The following UBXN11 variants were observed in gnomAD, a reference collection of about 807,000 sequenced individuals.
The protein encoded by UBXN11 is UBX domain protein 11.
UBXN11 carries 47 observed loss-of-function variants against 62.8 expected under a neutral mutation model. The observed-to-expected ratio is 0.75, with a 90% CI of 0.59 to 0.95. The LOEUF is 0.95. UBXN11 is among the 40% of genes least tolerant of loss of function. UBXN11 has a pLI of 0.00. For missense variants in UBXN11, 638 were observed against 661.7 expected (o/e 0.96, Z 0.39); for synonymous variants, 294 against 267.0 (o/e 1.10, Z -0.99).
At chr1:26,292,643 T>C (rs1197720711) in intron 8 of UBXN11, among the ~76,000 whole-genome samples, 9 of 151,792 alleles carry the variant, frequency 5.9e-5, no homozygotes, top group African/African-American at 1.9e-4. Context: ...ATCACGAGGT[T>C]AGGAGTTTGA....
intron 6 of UBXN11, 100 bp downstream of exon 6, chr1:26,297,327 T>A (rs1280911717): frequency 3.0e-6 from 4 of 1,355,108 alleles, no homozygotes; most frequent in Non-Finnish European, 3.9e-6. Context: ...GTCAGCTTGA[T>A]GCTCTTGATG....
intron 13 of UBXN11, 23 bp downstream of exon 13, chr1:26,282,841 T>A (rs2073032874): frequency 6.2e-7 from 1 of 1,613,410 alleles, no homozygotes; most frequent in African/African-American, 1.3e-5. Context: ...CCCCAGGCCC[T>A]CACCTCCTCA....
At chr1:26,300,026 C>T (rs1276920610) in intron 4 of UBXN11, among the ~76,000 whole-genome samples, 1 of 152,128 alleles carries the variant, frequency 6.6e-6, no homozygotes, top group Non-Finnish European at 1.5e-5. Flanking sequence ...AAAGTTGACC[C>T]CAGCCAGGGT....
At chr1:26,284,090 G>T in intron 12 of UBXN11, 52 bp downstream of exon 12, 1 of 1,523,380 alleles carries the variant, frequency 6.6e-7, no homozygotes, top group South Asian at 1.3e-5. Context: ...CTGGACCAGG[G>T]CTGGTGCTAA....
upstream of UBXN11, among the ~76,000 whole-genome samples, chr1:26,311,178 T>A (rs1318011873): frequency 6.6e-6 from 1 of 151,634 alleles, no homozygotes; most frequent in Non-Finnish European, 1.5e-5. Flanking sequence ...CTCACTCTGT[T>A]TTCCAGGCTG....
At chr1:26,309,325 C>G (rs2073716350), upstream of UBXN11, among the ~76,000 whole-genome samples, 1 of 149,152 alleles carries the variant, frequency 6.7e-6, no homozygotes, top group African/African-American at 2.5e-5. Flanking sequence ...ACTGCAATCT[C>G]CAACTCTCTG....
chr1:26,314,272 C>T (rs990518124), intron 1 of UBXN11, among the ~76,000 whole-genome samples: 2 of 152,092 alleles, frequency 1.3e-5, no homozygotes, highest in Admixed American at 1.3e-4. Flanking sequence ...GAGGGTTGGG[C>T]TGTTGTTTCC....
intron 4 of UBXN11, among the ~76,000 whole-genome samples, chr1:26,298,463 CCAGA>C (rs778924804): frequency 1.8e-4 from 27 of 152,252 alleles, no homozygotes; most frequent in Non-Finnish European, 2.9e-4. Context: ...GGGCAAACTG[CCAGA>C]CAAAGCCAGA....
At chr1:26,282,598 G>C (rs755149678) in intron 14 of UBXN11, 29 bp from the exon 15 acceptor site, 1 of 1,611,862 alleles carries the variant, frequency 6.2e-7, no homozygotes. Flanking sequence ...AGATCAGGCT[G>C]GGCAGTGGGA....
chr1:26,285,052 CTCA>C, intron 10 of UBXN11: 2 of 1,014,610 alleles, frequency 2.0e-6, no homozygotes, highest in Non-Finnish European at 2.4e-6. Context: ...CCAGCTCTAC[CTCA>C]TGTCTTTGAG....
intron 8 of UBXN11, among the ~76,000 whole-genome samples, chr1:26,292,710 C>A (rs994776819): frequency 6.6e-6 from 1 of 151,678 alleles, no homozygotes; most frequent in East Asian, 2.0e-4. Context: ...AAAAATCAGC[C>A]GGGCATGGTG....
Position 26,302,834 on chromosome 1 carries a change from G to C in UBXN11, c.50C>G (p.Pro17Arg). The change falls in exon 2 of 15, where the codon CCC (proline) becomes CGC (arginine). Residue 17 changes from proline (P) to arginine (R), a missense_variant. By Grantham distance (103) the Pro-to-Arg change is moderately radical. Transcript: ENST00000374222. ...TTACCCAGGATTCATAGGCTCCGAG[G>C]GCAGGGGCACTTTTCGGGTCTTGCT... ...SLSKTRKVPL[P>R]SEPMNPGRRG... 6.2e-7 allele frequency: 1 copy of C among 1,613,872 alleles called. No individual in the cohort carries two copies. Among genetic ancestry groups the C allele is most frequent in the Non-Finnish European group, 8.5e-7 (1 of 1,179,844 alleles).
At chr1:26,287,508 C>T (rs758526541) in intron 8 of UBXN11, among the ~76,000 whole-genome samples, 8 of 151,812 alleles carry the variant, frequency 5.3e-5, no homozygotes, top group African/African-American at 9.7e-5. Context: ...TACAACACAC[C>T]AATAACTTTT....
intron 5 of UBXN11, 26 bp from the exon 6 acceptor site, chr1:26,297,507 A>C: frequency 1.3e-6 from 2 of 1,539,358 alleles, no homozygotes; most frequent in Non-Finnish European, 1.8e-6. Flanking sequence ...CAGGGTGAGC[A>C]CAGGGCCTGT....
chr1:26,311,140 C>CTT (rs58696772), upstream of UBXN11, among the ~76,000 whole-genome samples: 969 of 136,014 alleles, frequency 7.1e-3, 19 homozygotes, highest in African/African-American at 0.018. Flanking sequence ...AGTCTCTATT[C>CTT]TTTTTTTTTT....
chr1:26,289,476 C>T (rs147470188), intron 8 of UBXN11, among the ~76,000 whole-genome samples: 54 of 152,112 alleles, frequency 3.6e-4, no homozygotes, highest in Middle Eastern at 6.8e-3. Flanking sequence ...GCCTTCCAGC[C>T]ATGCTGGGCA....
chr1:26,301,021 T>C lies in UBXN11; in HGVS notation c.104A>G (p.Asp35Gly), dbSNP rs370927575. The change falls in exon 4 of 15, where the codon GAT (aspartate) becomes GGT (glycine). Residue 35 changes from aspartate (D) to glycine (G), a missense_variant. Transcript: ENST00000374222. ...CCCATCACTCAACATGTCCACCTCA[T>C]CTTCTGCAGACAGGGATGCCTAGGT... is the stretch of plus-strand genomic sequence containing the variant. The part of the protein sequence containing the change: ...RRGIRIYGDE[D>G]EVDMLSDGCG... The C allele has an allele frequency of 6.2e-7, 1 of 1,614,212 alleles. No homozygotes were observed. The highest frequency in any genetic ancestry group is 1.1e-5 in the South Asian group (1 of 91,084).
In UBXN11 at chr1:26,300,799, C is replaced by A. The variant is rs1570124516; in HGVS notation, c.199+127G>T. ...AAGCCAGGTCCCTGCCACAATCAGCCAGGAGTGGAAGCAGCTGCCTCAGAC... is the reference window on the plus strand; with the variant it reads ...AAGCCAGGTCCCTGCCACAATCAGCAAGGAGTGGAAGCAGCTGCCTCAGAC... On this transcript the variant is annotated intron_variant, in intron 4 of 14. Coordinates refer to ENST00000374222, the MANE Select transcript of UBXN11 (RefSeq NM_001389556.1). 3 of 1,484,492 alleles carry A rather than the reference C, an allele frequency of 2.0e-6. No individual in the cohort carries two copies. In the South Asian group the frequency reaches 3.8e-5, roughly 19 times the overall value. 92.0% of individuals were successfully genotyped at this position (1,484,492 alleles called of 1,614,324 possible).
At chr1:26,309,536 C>T (rs2073718803), upstream of UBXN11, among the ~76,000 whole-genome samples, 2 of 152,124 alleles carry the variant, frequency 1.3e-5, no homozygotes, top group South Asian at 4.1e-4. Flanking sequence ...CCGTGCCCTT[C>T]TGGTTTGATT....
Sources: gnomAD v4.1 joint callset for allele counts (sites outside exome capture counted in the v4.1 genomes callset) on GRCh38, gnomAD v4.1.1 for gene constraint, MANE v1.5 for transcripts, NCBI Gene and HGNC (gene_info 2026-07-23, HGNC 2026-07-21) for gene names.